CHN2: variants seen among roughly 807,000 people sequenced by gnomAD.
CHN2 encodes chimerin 2.
In CHN2, 35 loss-of-function variants were observed where a neutral mutation model predicts 56.3. The ratio of observed to expected loss-of-function variants is 0.62; its 90% CI spans 0.47 to 0.82. CHN2 has a LOEUF of 0.82. Ranked by LOEUF, CHN2 falls within the 40% of genes least tolerant of loss-of-function variation. The pLI is 0.00. For synonymous variants in CHN2, 210 were observed against 212.8 expected, an observed-to-expected ratio of 0.99 and a Z score of 0.12; for missense variants, 491 against 580.5, an observed-to-expected ratio of 0.85 and a Z score of 1.58.
intron 6 of CHN2, among the ~76,000 whole-genome samples, chr7:29,448,066 A>T (rs1163247185): frequency 6.6e-6 from 1 of 152,158 alleles, no homozygotes; most frequent in Non-Finnish European, 1.5e-5. Flanking sequence ...CCCCATTTAC[A>T]TGAGCTGGTG....
intron 6 of CHN2, among the ~76,000 whole-genome samples, chr7:29,402,077 C>T (rs975818765): frequency 2.6e-5 from 4 of 152,178 alleles, no homozygotes; most frequent in Non-Finnish European, 5.9e-5. Flanking sequence ...CCGGAACGGG[C>T]CTCCCGTCGT....
intron 2 of CHN2, among the ~76,000 whole-genome samples, chr7:29,175,405 A>G (rs1797174625): frequency 6.6e-6 from 1 of 151,932 alleles, no homozygotes; most frequent in South Asian, 2.1e-4. Flanking sequence ...CAAACTCCAG[A>G]CTTCGGGTTT....
intron 1 of CHN2, among the ~76,000 whole-genome samples, chr7:29,204,027 A>G (rs1031834938): frequency 6.6e-6 from 1 of 151,946 alleles, no homozygotes; most frequent in Non-Finnish European, 1.5e-5. Context: ...GAAGTTGGAA[A>G]GAGAAGCTGA....
intron 1 of CHN2, among the ~76,000 whole-genome samples, chr7:29,229,543 T>C (rs1786501790): frequency 6.6e-6 from 1 of 152,236 alleles, no homozygotes; most frequent in South Asian, 2.1e-4. Context: ...TATACTGGTA[T>C]TTTTCATTTT....
At chr7:29,244,607 G>T (rs1355006819) in intron 1 of CHN2, among the ~76,000 whole-genome samples, 2 of 152,214 alleles carry the variant, frequency 1.3e-5, no homozygotes, top group African/African-American at 2.4e-5. Context: ...GGGTAAGGAA[G>T]AAGGAAGTGG....
intron 1 of CHN2, among the ~76,000 whole-genome samples, chr7:29,195,621 A>T (rs866596002): frequency 8.6e-5 from 11 of 127,508 alleles, no homozygotes; most frequent in African/African-American, 3.8e-4. Context: ...AGAGAGAGAG[A>T]GAGAGAGAGT....
chr7:29,355,404 A>G (rs930106557), intron 2 of CHN2, among the ~76,000 whole-genome samples: 1 of 152,226 alleles, frequency 6.6e-6, no homozygotes, highest in Non-Finnish European at 1.5e-5. Flanking sequence ...CAGATAGCGA[A>G]GAACCTGTTT....
chr7:29,406,020 A>G (rs1013991828), intron 6 of CHN2, among the ~76,000 whole-genome samples: 3 of 152,208 alleles, frequency 2.0e-5, no homozygotes, highest in African/African-American at 7.2e-5. Context: ...GGTTCTCCCC[A>G]GTGCCATGCT....
At chr7:29,323,756 G>A (rs1410352834) in intron 1 of CHN2, among the ~76,000 whole-genome samples, 1 of 152,096 alleles carries the variant, frequency 6.6e-6, no homozygotes, top group African/African-American at 2.4e-5. Flanking sequence ...CCAGCACTTT[G>A]GGAGGCCGAG....
rs561825557 is a variant in CHN2, at chr7:29,471,192, C to G, written c.577-9087C>G. On this transcript the variant is annotated intron_variant, in intron 6 of 12. Transcript: ENST00000222792. ...TTCGTATTTAAGGAAATGGATTACT[C>G]TGATGGTAAAACATGTTGTTGTTAA... Among the ~76,000 whole-genome samples the G allele has an allele frequency of 7.1e-4, 108 of 152,306 alleles. 1 individual carries two copies. Among genetic ancestry groups the G allele is most frequent in the Non-Finnish European group, 6.0e-4 (41 of 68,030 alleles).
chr7:29,484,086 C>CT lies in CHN2; in HGVS notation c.654+3737dup, dbSNP rs200061248. 961 of 403,052 alleles carry CT rather than the reference C, an allele frequency of 2.4e-3. 8 individuals carry two copies. The highest frequency in any genetic ancestry group is 0.018 in the African/African-American group (861 of 47,184). The allele number at this position is 403,052 out of a possible 1,614,324, so 25.0% of individuals were successfully genotyped here. ...ATTTTCTACCCTCTCTTCTTCATGG[C>CT]TTTTTTTCTTTTGTCTCTTTTCTAC... On this transcript the variant is annotated intron_variant, in intron 7 of 12. Transcript: ENST00000222792.
At chr7:29,273,438 T>G (rs1371106832) in intron 1 of CHN2, among the ~76,000 whole-genome samples, 1 of 143,336 alleles carries the variant, frequency 7.0e-6, no homozygotes. Context: ...GGCATTTAGT[T>G]TGTATCCATA....
At chr7:29,295,381 T>C (rs899270819) in intron 1 of CHN2, among the ~76,000 whole-genome samples, 1 of 149,872 alleles carries the variant, frequency 6.7e-6, no homozygotes, top group Admixed American at 6.6e-5. Context: ...GATTATATCA[T>C]ACTTTTTTGG....
chr7:29,178,023 A>T (rs944907816), intron 2 of CHN2, among the ~76,000 whole-genome samples: 1 of 152,126 alleles, frequency 6.6e-6, no homozygotes, highest in African/African-American at 2.4e-5. Flanking sequence ...AAAACCTAGG[A>T]GTCACCTTGA....
At chr7:29,486,394 G>A (rs572322935) in intron 7 of CHN2, among the ~76,000 whole-genome samples, 35 of 152,280 alleles carry the variant, frequency 2.3e-4, no homozygotes, top group African/African-American at 7.2e-4. Context: ...GTCCTTCCAC[G>A]GAGTGGGCCC....
rs1204099253 is a variant in CHN2, at chr7:29,398,363, G to A, written c.177-10G>A. The A allele has an allele frequency of 1.3e-6, 2 of 1,594,356 alleles. No homozygotes were observed. Among genetic ancestry groups the A allele is most frequent in the Non-Finnish European group, 1.7e-6 (2 of 1,163,654 alleles). ...GTCTGTTCAGAGCATTGATGGTCTT[G>A]TACCTTCAGGTTTCATGGGATCATC... is the stretch of plus-strand genomic sequence containing the variant. On this transcript the variant is annotated splice_polypyrimidine_tract_variant and intron_variant, in intron 4 of 12. Transcript: ENST00000222792.
intron 1 of CHN2, among the ~76,000 whole-genome samples, chr7:29,294,075 C>T (rs1318537630): frequency 1.3e-5 from 2 of 151,890 alleles, no homozygotes; most frequent in Admixed American, 6.6e-5. Context: ...ACCGTGTTAG[C>T]GAGGATGGTC....
chr7:29,211,945 A>G (rs1784991292), intron 1 of CHN2, among the ~76,000 whole-genome samples: 1 of 152,226 alleles, frequency 6.6e-6, no homozygotes, highest in Non-Finnish European at 1.5e-5. Flanking sequence ...AACTATAACG[A>G]ACCTCTTACC....
chr7:29,507,245 A>T lies in CHN2; in HGVS notation c.1009A>T (p.Ile337Leu), dbSNP rs767814102. Reference sequence around the variant, plus strand: ...TTTTTCAGATGGTGAAAAGGCCGATATATCTGCCAATGTCTATCCAGACAT... The same window carrying T: ...TTTTTCAGATGGTGAAAAGGCCGATTTATCTGCCAATGTCTATCCAGACAT... ...AFDRDGEKAD[I>L]SANVYPDINI... is the part of the protein sequence containing the mutation. Residue 337 changes from isoleucine to leucine, a missense_variant, in exon 11 of 13, where the codon ATA (isoleucine) becomes TTA (leucine). Physicochemically the swap from Ile to Leu is conservative, Grantham distance 5 (BLOSUM62 2). Transcript: ENST00000222792. 6.2e-7 allele frequency: 1 copy of T among 1,608,502 alleles called. No individual in the cohort carries two copies. Among genetic ancestry groups the T allele is most frequent in the East Asian group, 2.2e-5 (1 of 44,716 alleles).
Sources: gnomAD v4.1 joint callset for allele counts (sites outside exome capture counted in the v4.1 genomes callset) on GRCh38, gnomAD v4.1.1 for gene constraint, MANE v1.5 for transcripts, NCBI Gene and HGNC (gene_info 2026-07-23, HGNC 2026-07-21) for gene names.